CEMIP: variants seen among roughly 807,000 people sequenced by gnomAD.
The protein encoded by CEMIP is cell migration-inducing and hyaluronan-binding protein.
CEMIP carries 105 observed loss-of-function variants against 156.9 expected under a neutral mutation model. The ratio of observed to expected loss-of-function variants is 0.67; its 90% confidence interval spans 0.57 to 0.79. The LOEUF (loss-of-function observed/expected upper bound fraction) is 0.79, where lower values mean the gene tolerates loss of function less well. CEMIP is among the 30% of genes least tolerant of loss of function. The pLI is 0.00. For missense variants in CEMIP, 1,457 were observed against 1,769.4 expected (o/e 0.82, Z 3.17); for synonymous variants, 676 against 668.4 (o/e 1.01, Z -0.17).
intron 3 of CEMIP, among the ~76,000 whole-genome samples, chr15:80,875,064 C>T (rs564133868): frequency 1.6e-4 from 18 of 116,042 alleles, no homozygotes; most frequent in Admixed American, 3.6e-4. Context: ...GATAGGGTCT[C>T]GCTCTGTTGC....
chr15:80,840,646 C>T (rs2141705415), intron 1 of CEMIP, among the ~76,000 whole-genome samples: 1 of 152,318 alleles, frequency 6.6e-6, no homozygotes. Flanking sequence ...TGCTGGACTG[C>T]TGGGTGTCCC....
At position 80,789,180 on chromosome 15, in the gene CEMIP, A is replaced by G. The variant is rs959136893; in HGVS notation, c.-176+9566A>G. ...TGGGTTCTGCTGTGGTCTCCCAGGC[A>G]GAGATCAGTACCAGAGACAAGGCAG... On this transcript the variant is annotated intron_variant, in intron 1 of 29. Coordinates refer to ENST00000394685, the MANE Select transcript of CEMIP (RefSeq NM_001293298.2). 4.6e-5 allele frequency among the ~76,000 whole-genome samples: 7 copies of G among 152,298 alleles called. 1 individual carries two copies. The highest frequency in any genetic ancestry group is 1.9e-4 in the East Asian group (1 of 5,172).
chr15:80,861,646 G>C (rs1897990710), intron 1 of CEMIP, among the ~76,000 whole-genome samples: 1 of 152,242 alleles, frequency 6.6e-6, no homozygotes, highest in African/African-American at 2.4e-5. Flanking sequence ...GAAGAGGGCA[G>C]GGGGCATCTG....
At chr15:80,820,938 TAAAC>T (rs1896894640) in intron 1 of CEMIP, among the ~76,000 whole-genome samples, 1 of 152,210 alleles carries the variant, frequency 6.6e-6, no homozygotes, top group Admixed American at 6.5e-5. Context: ...GAGGATCAAG[TAAAC>T]TAAAAATGTG....
intron 1 of CEMIP, among the ~76,000 whole-genome samples, chr15:80,870,471 G>A (rs994035766): frequency 6.6e-6 from 1 of 152,172 alleles, no homozygotes; most frequent in East Asian, 1.9e-4. Context: ...CCGTTGCTCT[G>A]CAGCCTCTCA....
At chr15:80,938,720 CTGCACTAGGTTCTAT>C (rs1331613694) in intron 25 of CEMIP, among the ~76,000 whole-genome samples, 1 of 152,214 alleles carries the variant, frequency 6.6e-6, no homozygotes, top group African/African-American at 2.4e-5. Flanking sequence ...TTTTGCTAAC[CTGCACTAGGTTCTAT>C]TCAATAGAGA....
chr15:80,850,897 G>T (rs763561810), intron 1 of CEMIP, among the ~76,000 whole-genome samples: 10 of 152,206 alleles, frequency 6.6e-5, no homozygotes, highest in Admixed American at 2.0e-4. Flanking sequence ...GGGGAGGCAG[G>T]CTCAGGGATG....
At chr15:80,850,376 G>A (rs111743595) in intron 1 of CEMIP, among the ~76,000 whole-genome samples, 310 of 152,256 alleles carry the variant, frequency 2.0e-3, no homozygotes, top group African/African-American at 6.7e-3. Flanking sequence ...TTCCAGGTTC[G>A]AGTGATTCTC....
chr15:80,886,766 T>C (rs1898855814), intron 7 of CEMIP, among the ~76,000 whole-genome samples: 1 of 152,064 alleles, frequency 6.6e-6, no homozygotes, highest in South Asian at 2.1e-4. Context: ...TGTGGGAAAA[T>C]GTGGTAGGAC....
chr15:80,932,248 T>C lies in CEMIP; in HGVS notation c.2793+209T>C, dbSNP rs1340226074. Among the ~76,000 whole-genome samples the C allele has an allele frequency of 1.3e-5, 2 of 152,142 alleles. No individual in the cohort carries two copies. The highest frequency in any genetic ancestry group is 2.9e-5 in the Non-Finnish European group (2 of 68,032). ...GCCCCACAGGTCAGGTCTGGGTAAA[T>C]GCCCGCTTGCTCTCTCCCTGCTCAA... On this transcript the variant is annotated intron_variant, in intron 22 of 29. Transcript: ENST00000394685. This position sits in a 1 kb window ranked among gnomAD's most constrained non-coding sequence, Gnocchi z 4.5.
At chr15:80,786,124 G>A (rs1596086422) in intron 1 of CEMIP, among the ~76,000 whole-genome samples, 1 of 152,198 alleles carries the variant, frequency 6.6e-6, no homozygotes, top group Non-Finnish European at 1.5e-5. Flanking sequence ...ACAGAGCTCT[G>A]TGGGTTCCAA....
At chr15:80,856,371 G>A (rs1897852743) in intron 1 of CEMIP, among the ~76,000 whole-genome samples, 1 of 152,224 alleles carries the variant, frequency 6.6e-6, no homozygotes. Flanking sequence ...TCACTTTACT[G>A]TGAAATGCAT....
rs573617793 is a variant in CEMIP, at chr15:80,932,253, G to A, written c.2793+214G>A. On this transcript the variant is annotated intron_variant, in intron 22 of 29. Coordinates refer to ENST00000394685, the MANE Select transcript of CEMIP (RefSeq NM_001293298.2). The surrounding 1 kb of genome is among the most constrained non-coding windows in gnomAD (Gnocchi z 4.5). ...ACAGGTCAGGTCTGGGTAAATGCCCGCTTGCTCTCTCCCTGCTCAAAACTC... is the reference window on the plus strand; with the variant it reads ...ACAGGTCAGGTCTGGGTAAATGCCCACTTGCTCTCTCCCTGCTCAAAACTC... Among the ~76,000 whole-genome samples, 13 of 152,300 alleles carry A rather than the reference G, an allele frequency of 8.5e-5. No homozygotes were observed. The highest frequency in any genetic ancestry group is 7.7e-4 in the East Asian group (4 of 5,184).
Position 80,906,985 on chromosome 15 carries a change from C to A in CEMIP, c.1587+147C>A. On this transcript the variant is annotated intron_variant, in intron 13 of 29. Coordinates refer to ENST00000394685, the MANE Select transcript of CEMIP (RefSeq NM_001293298.2). This position sits in a 1 kb window ranked among gnomAD's most constrained non-coding sequence, Gnocchi z 4.3. Reference sequence around the variant, plus strand: ...GGCGCCTTCTGGAAGTTTGAGAAGTCTTATGTATTATCCATTAGTGTGCAG... The same window carrying A: ...GGCGCCTTCTGGAAGTTTGAGAAGTATTATGTATTATCCATTAGTGTGCAG... The A allele has an allele frequency of 1.2e-6, 1 of 813,520 alleles. No homozygotes were observed. The highest frequency in any genetic ancestry group is 2.1e-5 in the Admixed American group (1 of 47,734). The allele number at this position is 813,520 out of a possible 1,614,324, so 50.4% of individuals were successfully genotyped here.
intron 13 of CEMIP, among the ~76,000 whole-genome samples, chr15:80,908,354 G>GC (rs1166831605): frequency 3.9e-5 from 6 of 152,318 alleles, no homozygotes; most frequent in African/African-American, 1.4e-4. Context: ...TGACACTCCA[G>GC]TTGACACCTA....
chr15:80,907,630 G>A (rs1268483628), intron 13 of CEMIP, among the ~76,000 whole-genome samples: 1 of 152,202 alleles, frequency 6.6e-6, no homozygotes, highest in Admixed American at 6.5e-5. Context: ...CCTGGCTAGA[G>A]TCAAGACAAA....
chr15:80,925,902 T>A (rs867009075), intron 19 of CEMIP, 147 bp downstream of exon 19: 1 of 1,247,538 alleles, frequency 8.0e-7, no homozygotes. Flanking sequence ...GGCAGGGGCA[T>A]AGAATGGCAG....
chr15:80,943,713 G>T (rs1048072653), intron 28 of CEMIP, among the ~76,000 whole-genome samples: 2 of 151,934 alleles, frequency 1.3e-5, no homozygotes, highest in African/African-American at 4.8e-5. Flanking sequence ...AGTACTGCTC[G>T]CCTGCTGGTT....
At position 80,942,848 on chromosome 15, in the gene CEMIP, A is replaced by G. The variant is rs1901393289; in HGVS notation, c.3700-97A>G. ...TTACGCTTCAAATAGATGCATAGGC[A>G]ACTTCTGCCTTCAGGGTCTGCTTGG... On this transcript the variant is annotated intron_variant, in intron 27 of 29. Coordinates refer to ENST00000394685, the MANE Select transcript of CEMIP (RefSeq NM_001293298.2). The G allele has an allele frequency of 5.7e-6, 8 of 1,405,762 alleles. No homozygotes were observed. In the South Asian group the frequency reaches 8.1e-5, roughly 14 times the overall value. The allele number at this position is 1,405,762 out of a possible 1,614,324, so 87.1% of individuals were successfully genotyped here. A position where few individuals can be genotyped will look rare whatever the true frequency, so the allele number is the denominator to read the frequency against.
Sources: gnomAD v4.1 joint callset for allele counts (sites outside exome capture counted in the v4.1 genomes callset) on GRCh38, gnomAD v4.1.1 for gene constraint, Gnocchi (gnomAD v3.1) non-coding constraint, MANE v1.5 for transcripts, NCBI Gene and HGNC (gene_info 2026-07-23, HGNC 2026-07-21) for gene names.